NAV1: variants seen among roughly 807,000 people sequenced by gnomAD.
The protein encoded by NAV1 is pore membrane and/or filament interacting like protein 3.
In NAV1, 18 loss-of-function variants were observed where a neutral mutation model predicts 175.2. That is an observed-to-expected ratio of 0.10 (90% confidence interval 0.07 to 0.15). The LOEUF (loss-of-function observed/expected upper bound fraction) is 0.15, where lower values mean the gene tolerates loss of function less well. Ranked by LOEUF, NAV1 falls within the 10% of genes least tolerant of loss-of-function variation. NAV1 has a pLI of 1.00. For missense variants in NAV1, 1,731 were observed against 2,436.6 expected (o/e 0.71, Z 6.10); for synonymous variants, 897 against 978.7 (o/e 0.92, Z 1.56).
intron 1 of NAV1, among the ~76,000 whole-genome samples, chr1:201,581,263 G>A (rs1558005873): frequency 6.6e-6 from 1 of 152,264 alleles, no homozygotes. Flanking sequence ...TGGGTTGCAG[G>A]GATAATCTTG....
chr1:201,556,804 C>T (rs1328848211), intron 1 of NAV1, among the ~76,000 whole-genome samples: 1 of 152,230 alleles, frequency 6.6e-6, no homozygotes, highest in African/African-American at 2.4e-5. Flanking sequence ...CAAAGAGCAC[C>T]ATCCTCCAAA....
intron 13 of NAV1, 27 bp downstream of exon 17, chr1:201,790,793 C>G: frequency 6.2e-7 from 1 of 1,611,928 alleles, no homozygotes; most frequent in South Asian, 1.1e-5. Flanking sequence ...ACGGAAAGAT[C>G]AAGGCAGTTA....
At chr1:201,646,509 A>G (rs550749639), upstream of NAV1, among the ~76,000 whole-genome samples, 1 of 152,226 alleles carries the variant, frequency 6.6e-6, no homozygotes, top group Non-Finnish European at 1.5e-5. Flanking sequence ...CAGGAAATAC[A>G]AGAGTCCAGA....
chr1:201,666,153 C>G (rs1421850621), intron 1 of NAV1, among the ~76,000 whole-genome samples: 3 of 152,044 alleles, frequency 2.0e-5, no homozygotes, highest in Non-Finnish European at 4.4e-5. Flanking sequence ...ATCGCTCCTT[C>G]CCCAGCAACA....
In NAV1 at chr1:201,581,547, G is replaced by A. The variant is rs368042084; in HGVS notation, c.-143-6992G>A. ...AATCAGTAGTTAAAAACAGAGCTCC[G>A]GCCGGGCGCGGTGGCTCATGCCTAT... is the stretch of plus-strand genomic sequence containing the variant. On this transcript the variant is annotated intron_variant, in intron 1 of 33. Transcript: ENST00000685211. Among the ~76,000 whole-genome samples the A allele has an allele frequency of 1.6e-3, 250 of 152,230 alleles. 5 individuals are homozygous for A. In the South Asian group the frequency reaches 0.049, roughly 30 times the overall value.
Position 201,812,039 on chromosome 1 carries a change from G to A in NAV1, c.5024+65G>A, listed in dbSNP as rs73088472. 1.3e-3 allele frequency: 1,881 copies of A among 1,444,762 alleles called. 26 individuals carry two copies. In the African/African-American group the frequency reaches 0.023, roughly 18 times the overall value. 89.5% of individuals were successfully genotyped at this position (1,444,762 alleles called of 1,614,324 possible). A position where few individuals can be genotyped will look rare whatever the true frequency, so the allele number is the denominator to read the frequency against. ...CAAGAGTCTTCAATCCTGGACTCTG[G>A]CCAGGAGGCAGTAGATAGGAGAAGG... On this transcript the variant is annotated intron_variant, in intron 26 of 29. Transcript: ENST00000367296. The surrounding 1 kb of genome is among the most constrained non-coding windows in gnomAD (Gnocchi z 4.6).
At chr1:201,556,186 T>C (rs1414427026) in intron 1 of NAV1, among the ~76,000 whole-genome samples, 2 of 151,860 alleles carry the variant, frequency 1.3e-5, no homozygotes, top group African/African-American at 4.8e-5. Flanking sequence ...CCAAGGTGGG[T>C]AGATTGTTTG....
exon 30 of NAV1, chr1:201,821,505 GACACACACACACACACACACAC>G (rs57007517): frequency 1.5e-4 from 21 of 144,626 alleles, no homozygotes; most frequent in South Asian, 4.5e-4. Context: ...GGTTAAAACA[GACACACACACACACACACACAC>G]ACACACACAC....
chr1:201,584,925 C>G (rs1260601733), intron 1 of NAV1, among the ~76,000 whole-genome samples: 3 of 152,234 alleles, frequency 2.0e-5, no homozygotes, highest in African/African-American at 7.2e-5. Flanking sequence ...AGGAGAAGGG[C>G]CCCTGCCTTT....
intron 3 of NAV1, among the ~76,000 whole-genome samples, chr1:201,729,763 G>A (rs891807198): frequency 1.3e-5 from 2 of 152,020 alleles, no homozygotes; most frequent in Non-Finnish European, 1.5e-5. Flanking sequence ...AAAATTAGCC[G>A]GGTGTGGTGG....
chr1:201,549,143 C>CT (rs377171359), intron 1 of NAV1, among the ~76,000 whole-genome samples: 22 of 107,954 alleles, frequency 2.0e-4, no homozygotes, highest in East Asian at 5.0e-4. Flanking sequence ...TTCTTTCTTT[C>CT]TTCTTTCTCT....
chr1:201,624,208 T>C (rs1668258355), intron 1 of NAV1, among the ~76,000 whole-genome samples: 1 of 152,204 alleles, frequency 6.6e-6, no homozygotes, highest in Non-Finnish European at 1.5e-5. Context: ...AGACAGGTGT[T>C]GACATCCTTG....
At chr1:201,580,961 G>A (rs1214991234) in intron 1 of NAV1, among the ~76,000 whole-genome samples, 1 of 152,124 alleles carries the variant, frequency 6.6e-6, no homozygotes, top group Non-Finnish European at 1.5e-5. Context: ...AGGCAACACA[G>A]CAGCTACAAA....
At chr1:201,560,935 TC>T (rs1177356760) in intron 1 of NAV1, among the ~76,000 whole-genome samples, 1 of 152,214 alleles carries the variant, frequency 6.6e-6, no homozygotes, top group Non-Finnish European at 1.5e-5. Context: ...AGTCAGCATT[TC>T]CGTTGCATTT....
At chr1:201,622,483 C>A (rs1252228122), upstream of NAV1, among the ~76,000 whole-genome samples, 1 of 152,060 alleles carries the variant, frequency 6.6e-6, no homozygotes, top group Non-Finnish European at 1.5e-5. Context: ...ATTCTAGACT[C>A]GGGGTACTAG....
intron 1 of NAV1, among the ~76,000 whole-genome samples, chr1:201,656,860 C>T (rs1429466894): frequency 1.3e-5 from 2 of 152,236 alleles, no homozygotes; most frequent in Non-Finnish European, 2.9e-5. Flanking sequence ...GTTTGGACTC[C>T]TTGGCTTCTT....
At chr1:201,644,606 T>C (rs1668914173), upstream of NAV1, among the ~76,000 whole-genome samples, 1 of 152,214 alleles carries the variant, frequency 6.6e-6, no homozygotes, top group South Asian at 2.1e-4. Context: ...GGATTGGCAC[T>C]GAATTAACCC....
At chr1:201,826,941 G>A (rs578130450) in exon 30 of NAV1, 6 of 152,314 alleles carry the variant, frequency 3.9e-5, no homozygotes, top group African/African-American at 9.6e-5. Flanking sequence ...TGCCATTTGC[G>A]TTTCAATAAA....
chr1:201,769,864 T>A (rs190618536), intron 3 of NAV1, among the ~76,000 whole-genome samples: 4 of 152,246 alleles, frequency 2.6e-5, no homozygotes, highest in African/African-American at 9.6e-5. Context: ...ACAGCTCTTA[T>A]GCATTAAGTA....
Sources: gnomAD v4.1 joint callset for allele counts (sites outside exome capture counted in the v4.1 genomes callset) on GRCh38, gnomAD v4.1.1 for gene constraint, Gnocchi (gnomAD v3.1) non-coding constraint, MANE v1.5 for transcripts, NCBI Gene and HGNC (gene_info 2026-07-23, HGNC 2026-07-21) for gene names.